The following EXT2 variants were observed in gnomAD, a reference collection of about 807,000 sequenced individuals.
The protein encoded by EXT2 is exostosin glycosyltransferase 2.
In EXT2, 53 loss-of-function variants were observed where a neutral mutation model predicts 81.6. That is an observed-to-expected ratio of 0.65 (90% CI 0.52 to 0.82). The LOEUF (loss-of-function observed/expected upper bound fraction) is 0.82, where lower values mean the gene tolerates loss of function less well. Ranked by LOEUF, EXT2 falls within the 40% of genes least tolerant of loss-of-function variation. The pLI is 0.00. For missense variants in EXT2, 774 were observed against 910.2 expected, an observed-to-expected ratio of 0.85 and a Z score of 1.93; for synonymous variants, 320 against 340.0, an observed-to-expected ratio of 0.94 and a Z score of 0.65.
chr11:44,153,255 TTTCA>T (rs1432651945), intron 7 of EXT2, among the ~76,000 whole-genome samples: 1 of 152,220 alleles, frequency 6.6e-6, no homozygotes, highest in African/African-American at 2.4e-5. Context: ...TTTATACTTA[TTTCA>T]TTGTTTTCAG....
intron 7 of EXT2, among the ~76,000 whole-genome samples, chr11:44,168,289 C>A (rs935925696): frequency 1.3e-5 from 2 of 151,804 alleles, no homozygotes; most frequent in Non-Finnish European, 2.9e-5. Flanking sequence ...GTAGAAAACA[C>A]CCAGATTGAA....
chr11:44,215,413 G>GT (rs1262110551), intron 10 of EXT2, among the ~76,000 whole-genome samples: 1 of 151,974 alleles, frequency 6.6e-6, no homozygotes, highest in Non-Finnish European at 1.5e-5. Context: ...TAAGTTAATA[G>GT]TTTTTTTATG....
intron 13 of EXT2, among the ~76,000 whole-genome samples, chr11:44,238,044 G>A (rs1391057426): frequency 6.6e-5 from 10 of 151,880 alleles, no homozygotes; most frequent in African/African-American, 1.9e-4. Context: ...AGCTGAGATC[G>A]TGCCATTGCA....
At chr11:44,169,707 A>C (rs1208190814) in intron 7 of EXT2, among the ~76,000 whole-genome samples, 1 of 152,166 alleles carries the variant, frequency 6.6e-6, no homozygotes, top group Admixed American at 6.5e-5. Flanking sequence ...TGGGAGCAGA[A>C]GTATTTCAGA....
intron 4 of EXT2, 43 bp downstream of exon 4, chr11:44,114,344 T>A (rs2134985995): frequency 6.4e-7 from 1 of 1,551,158 alleles, no homozygotes; most frequent in Non-Finnish European, 8.9e-7. Flanking sequence ...TTACTGAATC[T>A]GTGAGATGTT....
rs182008008 is a variant in EXT2, at chr11:44,133,886, G to A, written c.1173+3748G>A. 2.4e-3 allele frequency among the ~76,000 whole-genome samples: 368 copies of A among 152,250 alleles called. 1 individual carries two copies. Among genetic ancestry groups the A allele is most frequent in the African/African-American group, 8.3e-3 (346 of 41,554 alleles). On this transcript the variant is annotated intron_variant, in intron 7 of 13. Coordinates refer to ENST00000533608, the MANE Select transcript of EXT2 (RefSeq NM_207122.2). ...AAGTGGTGAAAGTCCTTGTTGTGAC[G>A]GGAATTTGTGTGTACCAAGGGAGAA... is the stretch of plus-strand genomic sequence containing the variant.
At position 44,248,674 on chromosome 11, in the gene EXT2, G is replaced by A. The variant is rs954144182; in HGVS notation, c.*4387G>A. On this transcript the variant is annotated 3_prime_UTR_variant, in exon 14 of 14. Coordinates refer to ENST00000533608, the MANE Select transcript of EXT2 (RefSeq NM_207122.2). ...TGAGTTCATCTGAAGACTGGGTGAG[G>A]GCATTGTAAGCTCAAGCCACAGCCT... 2.6e-5 allele frequency among the ~76,000 whole-genome samples: 4 copies of A among 152,134 alleles called. No homozygotes were observed. The highest frequency in any genetic ancestry group is 2.9e-5 in the Non-Finnish European group (2 of 68,034).
intron 10 of EXT2, among the ~76,000 whole-genome samples, chr11:44,230,912 C>A (rs1419502786): frequency 5.3e-5 from 8 of 152,124 alleles, no homozygotes; most frequent in Admixed American, 5.2e-4. Flanking sequence ...CTGGACTCAG[C>A]AACACTTGTG....
chr11:44,181,155 T>C (rs1565224695), intron 8 of EXT2, among the ~76,000 whole-genome samples: 3 of 152,180 alleles, frequency 2.0e-5, no homozygotes, highest in Non-Finnish European at 4.4e-5. Context: ...ATTGGGCTAG[T>C]GTAGAATTCT....
At chr11:44,198,419 A>G (rs1191618960) in intron 9 of EXT2, among the ~76,000 whole-genome samples, 1 of 151,360 alleles carries the variant, frequency 6.6e-6, no homozygotes, top group Non-Finnish European at 1.5e-5. Context: ...TTCTGATTGG[A>G]AAAGTCAGCA....
chr11:44,137,133 T>G (rs1954582397), intron 7 of EXT2, among the ~76,000 whole-genome samples: 1 of 152,232 alleles, frequency 6.6e-6, no homozygotes, highest in Non-Finnish European at 1.5e-5. Flanking sequence ...CATTTTTATG[T>G]GTTTAACTAT....
chr11:44,165,431 C>CT (rs1464086896), intron 7 of EXT2, among the ~76,000 whole-genome samples: 1 of 152,192 alleles, frequency 6.6e-6, no homozygotes, highest in East Asian at 1.9e-4. Context: ...GAGAAGTTCA[C>CT]TTATCCCCAG....
chr11:44,119,920 G>C (rs1395495125), intron 4 of EXT2, among the ~76,000 whole-genome samples: 1 of 152,188 alleles, frequency 6.6e-6, no homozygotes, highest in East Asian at 1.9e-4. Context: ...TGTCTTCAGT[G>C]CACTTTTCTT....
At chr11:44,154,939 G>A (rs917573471) in intron 7 of EXT2, among the ~76,000 whole-genome samples, 4 of 151,672 alleles carry the variant, frequency 2.6e-5, no homozygotes, top group Admixed American at 6.6e-5. Context: ...ACTTAATTTT[G>A]CCCATTTTTA....
intron 8 of EXT2, among the ~76,000 whole-genome samples, chr11:44,172,126 G>T (rs1208767887): frequency 6.6e-6 from 1 of 152,184 alleles, no homozygotes; most frequent in South Asian, 2.1e-4. Flanking sequence ...TACTCTGCCA[G>T]GGACTGTGCT....
chr11:44,175,141 G>A (rs1334392022), intron 8 of EXT2, among the ~76,000 whole-genome samples: 1 of 152,190 alleles, frequency 6.6e-6, no homozygotes, highest in Non-Finnish European at 1.5e-5. Flanking sequence ...ACTGGAGGCA[G>A]TAGACTGTTT....
intron 5 of EXT2, among the ~76,000 whole-genome samples, chr11:44,126,487 A>C (rs562421947): frequency 6.6e-6 from 1 of 152,358 alleles, no homozygotes; most frequent in East Asian, 1.9e-4. Flanking sequence ...TACATAGTAC[A>C]CTAGGGCCTA....
chr11:44,221,281 C>T (rs1427502247), intron 10 of EXT2, among the ~76,000 whole-genome samples: 10 of 152,168 alleles, frequency 6.6e-5, no homozygotes, highest in Non-Finnish European at 1.5e-4. Context: ...GTGTTCTGCA[C>T]CCTCACCTCA....
chr11:44,096,617 C>T (rs1241014472), intron 1 of EXT2, among the ~76,000 whole-genome samples: 1 of 152,082 alleles, frequency 6.6e-6, no homozygotes, highest in Non-Finnish European at 1.5e-5. Flanking sequence ...GGGCCAGGGG[C>T]ATGTTAGTCT....
Sources: allele counts gnomAD v4.1 joint callset (sites outside exome capture counted in the v4.1 genomes callset), GRCh38; gene constraint gnomAD v4.1.1; transcripts MANE v1.5; gene names NCBI Gene and HGNC (gene_info 2026-07-23, HGNC 2026-07-21).